Variants in BLTP1 observed in about 807,000 individuals in gnomAD.
BLTP1 encodes bridge-like lipid transfer protein family member 1.
At chr4:122,247,773 A>G in the BLTP1 span, 1 of 1,002,220 alleles carries the variant, frequency 1.0e-6, no homozygotes, top group Non-Finnish European at 1.2e-6. Context: ...AGTCTGTAAA[A>G]TACAGCAGCA....
At chr4:122,188,537 A>T in the BLTP1 span, among the ~76,000 whole-genome samples, 1 of 152,072 alleles carries the variant, frequency 6.6e-6, no homozygotes, top group Admixed American at 6.6e-5. Context: ...TGAAGTTAAG[A>T]TGGTATAGTT....
the BLTP1 span, chr4:122,207,741 AAG>A: frequency 9.2e-6 from 10 of 1,089,946 alleles, no homozygotes; most frequent in Non-Finnish European, 1.3e-5. Flanking sequence ...TGCAACTTCA[AAG>A]TATTTTTAGC....
chr4:122,270,465 CT>C, the BLTP1 span: 1 of 485,204 alleles, frequency 2.1e-6, no homozygotes, highest in Non-Finnish European at 2.7e-6. Flanking sequence ...ACATGAAAAT[CT>C]TTAGATAAGC....
At chr4:122,304,400 A>G in the BLTP1 span, among the ~76,000 whole-genome samples, 1 of 152,028 alleles carries the variant, frequency 6.6e-6, no homozygotes, top group South Asian at 2.1e-4. Flanking sequence ...TAGTAGAGAT[A>G]GGGTTTCACC....
the BLTP1 span, chr4:122,243,217 C>A: frequency 1.1e-6 from 1 of 945,158 alleles, no homozygotes; most frequent in Non-Finnish European, 1.5e-6. Context: ...TCTGCCATGG[C>A]TTTGGCTACA....
chr4:122,271,342 T>C, the BLTP1 span: 1 of 1,613,752 alleles, frequency 6.2e-7, no homozygotes, highest in Non-Finnish European at 8.5e-7. Flanking sequence ...CCCCAACACC[T>C]ACCTTCAAAA....
the BLTP1 span, chr4:122,207,715 C>A: frequency 1.6e-6 from 2 of 1,244,082 alleles, no homozygotes; most frequent in African/African-American, 1.5e-5. Context: ...TCTTCACTCT[C>A]TTCTCCCCAG....
the BLTP1 span, chr4:122,226,429 A>T: frequency 8.4e-7 from 1 of 1,187,862 alleles, no homozygotes; most frequent in Admixed American, 4.7e-5. Context: ...GAATAAAAGG[A>T]TTTGCGTTAA....
chr4:122,315,215 A>G, the BLTP1 span, among the ~76,000 whole-genome samples: 2 of 152,230 alleles, frequency 1.3e-5, no homozygotes, highest in Non-Finnish European at 2.9e-5. Flanking sequence ...TAGCTATAGG[A>G]TGGTGGATCA....
chr4:122,286,921 C>A, the BLTP1 span: 2 of 734,006 alleles, frequency 2.7e-6, no homozygotes, highest in Non-Finnish European at 4.3e-6. Context: ...AATTCTATAC[C>A]AAATCAAGTG....
At chr4:122,215,313 T>C in the BLTP1 span, 387 of 928,418 alleles carry the variant, frequency 4.2e-4, 3 homozygotes, top group African/African-American at 6.7e-3. Context: ...TACAGGAATC[T>C]AAATTTTTTT....
chr4:122,287,579 C>T, the BLTP1 span: 1 of 985,334 alleles, frequency 1.0e-6, no homozygotes. Flanking sequence ...ACTGTTGCAA[C>T]TTTATGAAAA....
the BLTP1 span, chr4:122,152,379 C>G: frequency 1.1e-5 from 11 of 985,860 alleles, no homozygotes; most frequent in Non-Finnish European, 1.3e-5. Context: ...TCCTCCGCCC[C>G]CTTGGGTGTC....
At chr4:122,261,700 C>G in the BLTP1 span, 1 of 984,798 alleles carries the variant, frequency 1.0e-6, no homozygotes, top group Non-Finnish European at 1.2e-6. Context: ...CTGGCTTTTT[C>G]CTTAGTAAGT....
At chr4:122,227,783 G>T in the BLTP1 span, 6 of 151,674 alleles carry the variant, frequency 4.0e-5, 1 homozygote, top group Admixed American at 3.9e-4. Flanking sequence ...ACATTTCCAG[G>T]CTCCACAGAA....
At chr4:122,196,923 G>C in the BLTP1 span, 1 of 512,312 alleles carries the variant, frequency 2.0e-6, no homozygotes. Context: ...ATAATTTTAT[G>C]TATTTTACTA....
At chr4:122,186,545 A>G in the BLTP1 span, among the ~76,000 whole-genome samples, 8 of 152,054 alleles carry the variant, frequency 5.3e-5, no homozygotes, top group Non-Finnish European at 1.2e-4. Flanking sequence ...CTTATAAAAT[A>G]CATGATTTTG....
At chr4:122,247,327 C>G in the BLTP1 span, 46 of 1,613,186 alleles carry the variant, frequency 2.9e-5, no homozygotes, top group Non-Finnish European at 3.6e-5. Context: ...TCATCGAGTT[C>G]ATGGGCAACT....
At chr4:122,207,895 A>C in the BLTP1 span, 1 of 984,528 alleles carries the variant, frequency 1.0e-6, no homozygotes, top group Non-Finnish European at 1.2e-6. Context: ...CTCTGTGGCT[A>C]ATCTGTATGT....
Sources: gnomAD v4.1 joint callset for allele counts (sites outside exome capture counted in the v4.1 genomes callset) on GRCh38, gnomAD v4.1.1 for gene constraint, MANE v1.5 for transcripts, NCBI Gene and HGNC (gene_info 2026-07-23, HGNC 2026-07-21) for gene names.